The following HABP4 variants were observed in gnomAD, a reference collection of about 807,000 sequenced individuals.
HABP4 encodes the protein intracellular hyaluronan-binding protein 4.
In HABP4, 32 loss-of-function variants were observed where a neutral mutation model predicts 44.1. That is an observed-to-expected ratio of 0.73 (90% CI 0.55 to 0.97). HABP4 has a LOEUF of 0.97. Ranked by LOEUF, HABP4 falls within the 50% of genes least tolerant of loss-of-function variation. HABP4 has a pLI of 0.00. For synonymous variants in HABP4, 216 were observed against 218.0 expected (o/e 0.99, Z 0.08); for missense variants, 503 against 561.9 (o/e 0.90, Z 1.06).
intron 5 of HABP4, chr9:96,483,631 G>A (rs1832918543): frequency 6.6e-6 from 1 of 152,144 alleles, no homozygotes; most frequent in Non-Finnish European, 1.5e-5. Context: ...ATCCCATTTT[G>A]TGGACTGTCT....
intron 4 of HABP4, 89 bp from the exon 5 acceptor site, chr9:96,470,922 A>G: frequency 1.2e-6 from 1 of 864,624 alleles, no homozygotes; most frequent in East Asian, 2.5e-5. Flanking sequence ...CCAAAAAACC[A>G]AAAAAACAAT....
At position 96,488,232 on chromosome 9, in the gene HABP4, G is replaced by A; in HGVS notation, c.1143G>A (p.Arg381=). 1.2e-6 allele frequency: 2 copies of A among 1,613,932 alleles called. No homozygotes were observed. The highest frequency in any genetic ancestry group is 8.5e-7 in the Non-Finnish European group (1 of 1,179,900). The change falls in exon 7 of 8, where the codon AGG becomes AGA. Residue 381 remains arginine, a synonymous_variant. Transcript: ENST00000375249. The surrounding 1 kb of genome is among the most constrained non-coding windows in gnomAD (Gnocchi z 4.6). ...ARGGTRGGRG[R]IRRAENYGPR... ...GAGGCACCCGGGGAGGCCGGGGAAG[G>A]ATCAGGAGGGCAGAGAACTATGGAC... is the stretch of plus-strand genomic sequence containing the variant.
At position 96,490,325 on chromosome 9, in the gene HABP4, G is replaced by C; in HGVS notation, c.*287G>C. On this transcript the variant is annotated 3_prime_UTR_variant, in exon 8 of 8. Transcript: ENST00000375249. ...ATATAGAGATAGTATAGACTCCTCC[G>C]CGGAAGCATGGAGGGAAAGGAGGTT... 1 of 329,004 alleles carries C rather than the reference G, an allele frequency of 3.0e-6. No homozygotes were observed. The highest frequency in any genetic ancestry group is 5.6e-6 in the Non-Finnish European group (1 of 179,794). The allele number at this position is 329,004 out of a possible 1,614,324, so 20.4% of individuals were successfully genotyped here.
chr9:96,480,234 G>A (rs1231932744), intron 5 of HABP4, among the ~76,000 whole-genome samples: 1 of 152,124 alleles, frequency 6.6e-6, no homozygotes, highest in Non-Finnish European at 1.5e-5. Context: ...ATATATTTGT[G>A]TGGCTCTCCA....
At chr9:96,481,555 C>T (rs1424657585) in intron 5 of HABP4, among the ~76,000 whole-genome samples, 1 of 151,998 alleles carries the variant, frequency 6.6e-6, no homozygotes, top group East Asian at 2.0e-4. Flanking sequence ...CCAGCATGGG[C>T]TACATGGAGA....
At chr9:96,464,753 G>A (rs1433348047) in intron 2 of HABP4, among the ~76,000 whole-genome samples, 2 of 152,142 alleles carry the variant, frequency 1.3e-5, no homozygotes, top group South Asian at 2.1e-4. Context: ...GCCCTTGGCC[G>A]TTTATGTGGA....
chr9:96,465,782 C>G lies in HABP4; in HGVS notation c.743+4C>G. 6.6e-7 allele frequency: 1 copy of G among 1,510,884 alleles called. No homozygotes were observed. Among genetic ancestry groups the G allele is most frequent in the Admixed American group, 1.7e-5 (1 of 59,920 alleles). 93.6% of individuals were successfully genotyped at this position (1,510,884 alleles called of 1,614,324 possible). A position where few individuals can be genotyped will look rare whatever the true frequency, so the allele number is the denominator to read the frequency against. On this transcript the variant is annotated splice_donor_region_variant and intron_variant, in intron 4 of 7. Transcript: ENST00000375249. ...GGGGATCGGGTAAAGATACCAGGTACGGTGTAAGTGTGTGCCCTCTGAGAA... is the reference window on the plus strand; with the variant it reads ...GGGGATCGGGTAAAGATACCAGGTAGGGTGTAAGTGTGTGCCCTCTGAGAA...
chr9:96,452,771 C>G (rs763384382), intron 1 of HABP4, among the ~76,000 whole-genome samples: 1 of 152,022 alleles, frequency 6.6e-6, no homozygotes, highest in Non-Finnish European at 1.5e-5. Context: ...CTGTACTTTT[C>G]TAACATTCAA....
chr9:96,454,448 CTTTTT>C (rs994572427), intron 1 of HABP4, among the ~76,000 whole-genome samples: 1 of 127,316 alleles, frequency 7.9e-6, no homozygotes. Context: ...GTTCTGAACT[CTTTTT>C]TTTTTTTTTT....
intron 4 of HABP4, among the ~76,000 whole-genome samples, chr9:96,470,397 C>G (rs963564977): frequency 1.3e-5 from 2 of 152,068 alleles, no homozygotes; most frequent in African/African-American, 4.8e-5. Context: ...TCCCAAAATG[C>G]TAGGATCACA....
chr9:96,462,830 G>A (rs547394069), intron 2 of HABP4, among the ~76,000 whole-genome samples: 4 of 151,814 alleles, frequency 2.6e-5, no homozygotes, highest in African/African-American at 9.7e-5. Context: ...ACTGACATGG[G>A]AAGATTGTTT....
chr9:96,458,478 A>G lies in HABP4; in HGVS notation c.449A>G (p.Glu150Gly). ...LERAERRSYR[E>G]YRPYETERQA... ...AGAGCTGAGCGGAGATCCTACAGGG[A>G]ATACCGACCCTATGAGACAGAGAGG... is the stretch of plus-strand genomic sequence containing the variant. Residue 150 changes from glutamate to glycine, a missense_variant, in exon 2 of 8, where the codon GAA becomes GGA. By Grantham distance (98) the Glu-to-Gly change is moderately conservative. Transcript: ENST00000375249. The G allele has an allele frequency of 6.2e-7, 1 of 1,613,480 alleles. No individual in the cohort carries two copies. Among genetic ancestry groups the G allele is most frequent in the African/African-American group, 1.3e-5 (1 of 75,022 alleles).
At chr9:96,450,123 G>A (rs1373288908), upstream of HABP4, 2 of 707,262 alleles carry the variant, frequency 2.8e-6, no homozygotes, top group East Asian at 6.3e-5. The surrounding 1 kb of genome is among the most constrained non-coding windows in gnomAD (Gnocchi z 4.8). Flanking sequence ...CGGGGCGGAC[G>A]GCGGCGGCGC....
At chr9:96,461,188 C>T (rs1237453337) in intron 2 of HABP4, among the ~76,000 whole-genome samples, 1 of 152,108 alleles carries the variant, frequency 6.6e-6, no homozygotes, top group African/African-American at 2.4e-5. Context: ...ATGATAGTTG[C>T]ACAACAGTGT....
In HABP4 at chr9:96,471,056, G is replaced by C. The variant is rs1832689158; in HGVS notation, c.789G>C (p.Glu263Asp). 6.2e-7 allele frequency: 1 copy of C among 1,606,694 alleles called. No individual in the cohort carries two copies. Among genetic ancestry groups the C allele is most frequent in the Non-Finnish European group, 8.5e-7 (1 of 1,173,384 alleles). Reference sequence around the variant, plus strand: ...CGATGGAGGAACCCACAGTGGTGGAGGAGTCCCAGGGCACCCCGGAAGAGG... The same window carrying C: ...CGATGGAGGAACCCACAGTGGTGGACGAGTCCCAGGGCACCCCGGAAGAGG... ...TAPMEEPTVVEESQGTPEEES... is the reference protein window; with the variant it reads ...TAPMEEPTVVDESQGTPEEES... The change falls in exon 5 of 8, where the codon GAG (glutamate) becomes GAC (aspartate). Residue 263 changes from glutamate to aspartate, a missense_variant. By Grantham distance (45) the Glu-to-Asp change is conservative (BLOSUM62 2). Around this residue, in one of 3 missense-constraint regions of HABP4, gnomAD observed 131 missense variants for 189.8 expected, o/e 0.69. Transcript: ENST00000375249.
At chr9:96,467,160 T>G (rs1380091067) in intron 4 of HABP4, among the ~76,000 whole-genome samples, 1 of 151,946 alleles carries the variant, frequency 6.6e-6, no homozygotes, top group African/African-American at 2.4e-5. Context: ...TGACCTCAGG[T>G]AATCCACCTG....
chr9:96,450,620 A>G lies in HABP4; in HGVS notation c.341A>G (p.Gln114Arg). 1 of 1,264,496 alleles carries G rather than the reference A, an allele frequency of 7.9e-7. No individual in the cohort carries two copies. Among genetic ancestry groups the G allele is most frequent in the South Asian group, 2.8e-5 (1 of 35,476 alleles). 78.3% of individuals were successfully genotyped at this position (1,264,496 alleles called of 1,614,324 possible). A position where few individuals can be genotyped will look rare whatever the true frequency, so the allele number is the denominator to read the frequency against. Reference sequence around the variant, plus strand: ...CCCGATAGCCCCGGGGGCGGCCTGCAGGCGCCGGGTACGCGGGGACAGCGG... The same window carrying G: ...CCCGATAGCCCCGGGGGCGGCCTGCGGGCGCCGGGTACGCGGGGACAGCGG... Reference protein sequence around the residue: ...QRPDSPGGGLQAPGQKRTPRR... With the variant: ...QRPDSPGGGLRAPGQKRTPRR... The change falls in exon 1 of 8, where the codon CAG (glutamine) becomes CGG (arginine). Residue 114 changes from glutamine to arginine, a missense_variant. By Grantham distance (43) the Gln-to-Arg change is conservative (BLOSUM62 1). Transcript: ENST00000375249. The surrounding 1 kb of genome is among the most constrained non-coding windows in gnomAD (Gnocchi z 4.8).
At chr9:96,470,238 G>A (rs1292536234) in intron 4 of HABP4, among the ~76,000 whole-genome samples, 1 of 152,096 alleles carries the variant, frequency 6.6e-6, no homozygotes, top group African/African-American at 2.4e-5. Flanking sequence ...GAGCCCGGGA[G>A]GTCGAGACTA....
intron 5 of HABP4, among the ~76,000 whole-genome samples, chr9:96,475,011 C>T (rs1337357829): frequency 6.6e-6 from 1 of 152,144 alleles, no homozygotes; most frequent in African/African-American, 2.4e-5. Flanking sequence ...GAAGTATTAA[C>T]TGTTCCTTGT....
Sources: allele counts gnomAD v4.1 joint callset (sites outside exome capture counted in the v4.1 genomes callset), GRCh38; gene constraint gnomAD v4.1.1; regional missense constraint gnomAD v4.1.1; non-coding constraint Gnocchi (gnomAD v3.1); transcripts MANE v1.5; gene names NCBI Gene and HGNC (gene_info 2026-07-23, HGNC 2026-07-21).